The following PSMA1 variants were observed in gnomAD, a reference collection of about 807,000 sequenced individuals.
PSMA1 encodes the protein proteasome 20S subunit alpha 1.
In PSMA1, 3 loss-of-function variants were observed where a neutral mutation model predicts 38.4. The observed-to-expected ratio is 0.08, with a 90% CI of 0.04 to 0.20. The LOEUF (loss-of-function observed/expected upper bound fraction) is 0.20, where lower values mean the gene tolerates loss of function less well. Ranked by LOEUF, PSMA1 falls within the 10% of genes least tolerant of loss-of-function variation. PSMA1 has a pLI of 1.00. For synonymous variants in PSMA1, 101 were observed against 107.1 expected (o/e 0.94, Z 0.35); for missense variants, 227 against 325.3 (o/e 0.70, Z 2.32).
At chr11:14,623,103 T>G (rs1852868856) in intron 1 of PSMA1, among the ~76,000 whole-genome samples, 1 of 152,212 alleles carries the variant, frequency 6.6e-6, no homozygotes, top group Non-Finnish European at 1.5e-5. Flanking sequence ...TACTTTAATA[T>G]GGAAAATTAC....
chr11:14,594,261 T>G (rs1210961809), intron 2 of PSMA1, among the ~76,000 whole-genome samples: 1 of 152,196 alleles, frequency 6.6e-6, no homozygotes, highest in East Asian at 1.9e-4. Context: ...ACTGATATAG[T>G]TAGGAAATAG....
chr11:14,583,793 T>C (rs1261595629), intron 2 of PSMA1, among the ~76,000 whole-genome samples: 1 of 152,332 alleles, frequency 6.6e-6, no homozygotes, highest in Non-Finnish European at 1.5e-5. Flanking sequence ...TTAAAGTCCC[T>C]GCTATTTCAC....
intron 2 of PSMA1, among the ~76,000 whole-genome samples, chr11:14,576,954 G>A (rs188941586): frequency 1.2e-4 from 18 of 152,090 alleles, no homozygotes; most frequent in Admixed American, 2.6e-4. Flanking sequence ...CTTTTATTTC[G>A]TTGAGCAGTG....
chr11:14,539,936 A>C (rs917200658), intron 2 of PSMA1, among the ~76,000 whole-genome samples: 2 of 152,174 alleles, frequency 1.3e-5, no homozygotes, highest in Admixed American at 6.5e-5. Context: ...CTAAGATAAA[A>C]AGGAAACATA....
intron 2 of PSMA1, among the ~76,000 whole-genome samples, chr11:14,549,770 G>A (rs1371020267): frequency 1.3e-5 from 2 of 151,574 alleles, no homozygotes; most frequent in African/African-American, 4.9e-5. Flanking sequence ...AGCTCTCCCT[G>A]TGCCTACTGG....
intron 2 of PSMA1, among the ~76,000 whole-genome samples, chr11:14,541,835 G>A (rs1851776581): frequency 6.6e-6 from 1 of 152,196 alleles, no homozygotes; most frequent in Non-Finnish European, 1.5e-5. Flanking sequence ...ATAAACCTTG[G>A]AAGAATATGC....
intron 4 of PSMA1, 41 bp from the exon 5 acceptor site, chr11:14,514,532 A>G: frequency 1.4e-6 from 2 of 1,392,738 alleles, no homozygotes; most frequent in Non-Finnish European, 9.7e-7. Flanking sequence ...TTCAAATTAT[A>G]GACAACTATT....
At chr11:14,574,500 G>T (rs1460570614) in intron 2 of PSMA1, among the ~76,000 whole-genome samples, 1 of 152,206 alleles carries the variant, frequency 6.6e-6, no homozygotes, top group African/African-American at 2.4e-5. Context: ...GACGTATGGT[G>T]ATATGGTTTG....
At chr11:14,516,294 T>A (rs1177013638) in intron 4 of PSMA1, among the ~76,000 whole-genome samples, 2 of 151,828 alleles carry the variant, frequency 1.3e-5, no homozygotes, top group East Asian at 3.9e-4. Flanking sequence ...AACCTTGAAA[T>A]CCTAGGCTCA....
intron 2 of PSMA1, among the ~76,000 whole-genome samples, chr11:14,593,510 C>T (rs998271540): frequency 6.6e-6 from 1 of 151,982 alleles, no homozygotes; most frequent in South Asian, 2.1e-4. Context: ...TGTCACCTAA[C>T]ATGCCTAAGA....
intron 2 of PSMA1, among the ~76,000 whole-genome samples, chr11:14,580,985 T>C (rs1334860507): frequency 1.3e-5 from 2 of 152,084 alleles, no homozygotes; most frequent in African/African-American, 4.8e-5. Flanking sequence ...GAACTACAGA[T>C]AGAAAGTGTC....
intron 2 of PSMA1, among the ~76,000 whole-genome samples, chr11:14,568,402 A>G (rs777380813): frequency 6.6e-5 from 10 of 152,230 alleles, no homozygotes; most frequent in Non-Finnish European, 1.3e-4. Context: ...TGTGAAAAAT[A>G]TAAGATAGGC....
chr11:14,608,582 G>T (rs1243128643), intron 2 of PSMA1, among the ~76,000 whole-genome samples: 1 of 145,676 alleles, frequency 6.9e-6, no homozygotes, highest in Non-Finnish European at 1.5e-5. Flanking sequence ...TTTAAAAAAG[G>T]CAAAAAAAAA....
intron 2 of PSMA1, among the ~76,000 whole-genome samples, chr11:14,554,614 G>A (rs1429390412): frequency 1.3e-5 from 2 of 152,026 alleles, no homozygotes; most frequent in East Asian, 1.9e-4. Flanking sequence ...TTGAAAATCG[G>A]TTGGCTATAC....
At chr11:14,641,359 G>C (rs1479429361) in intron 1 of PSMA1, among the ~76,000 whole-genome samples, 2 of 152,134 alleles carry the variant, frequency 1.3e-5, no homozygotes, top group African/African-American at 4.8e-5. Flanking sequence ...TTTGGCAAGG[G>C]AATAATTAAA....
At position 14,542,496 on chromosome 11, in the gene PSMA1, A is replaced by G. The variant is rs529308209; in HGVS notation, c.22-23455T>C. On this transcript the variant is annotated intron_variant, in intron 2 of 10. Coordinates refer to the PSMA1 transcript ENST00000418988. ...TCAATAGAAAATGTTTCCTTCCCCT[A>G]TTGTGTCACCTCTACCCCCTAAAAC... Among the ~76,000 whole-genome samples the G allele has an allele frequency of 5.3e-5, 8 of 152,276 alleles. 1 individual carries two copies. In the South Asian group the frequency reaches 1.7e-3, roughly 32 times the overall value.
chr11:14,592,604 C>T (rs1852437398), intron 2 of PSMA1, among the ~76,000 whole-genome samples: 1 of 152,162 alleles, frequency 6.6e-6, no homozygotes, highest in African/African-American at 2.4e-5. Context: ...CCAGGATGGT[C>T]TCAACCTCCT....
At chr11:14,525,369 A>C (rs1243300055), upstream of PSMA1, among the ~76,000 whole-genome samples, 1 of 150,520 alleles carries the variant, frequency 6.6e-6, no homozygotes, top group African/African-American at 2.5e-5. Context: ...GGACACCTCT[A>C]CTCCCTCCTT....
In PSMA1 at chr11:14,510,869, T is replaced by C; in HGVS notation, c.624+3A>G. 1 of 1,593,300 alleles carries C rather than the reference T, an allele frequency of 6.3e-7. No individual in the cohort carries two copies. The highest frequency in any genetic ancestry group is 8.6e-7 in the Non-Finnish European group (1 of 1,168,076). On this transcript the variant is annotated splice_donor_region_variant and intron_variant, in intron 8 of 9. Coordinates refer to ENST00000396394, the MANE Select transcript of PSMA1 (RefSeq NM_002786.4). ...ATCTACAATTGGAAAAGACAATACTTACCTTTGTAGTCAGGTCCTGTTCTG... is the reference window on the plus strand; with the variant it reads ...ATCTACAATTGGAAAAGACAATACTCACCTTTGTAGTCAGGTCCTGTTCTG...
Sources: gnomAD v4.1 joint callset for allele counts (sites outside exome capture counted in the v4.1 genomes callset) on GRCh38, gnomAD v4.1.1 for gene constraint, MANE v1.5 for transcripts, NCBI Gene and HGNC (gene_info 2026-07-23, HGNC 2026-07-21) for gene names.